DLGAP2: variants seen among roughly 807,000 people sequenced by gnomAD.
DLGAP2 encodes the protein disks large-associated protein 2.
A neutral mutation model predicts 100.3 loss-of-function variants in DLGAP2; 26 were observed. The observed-to-expected ratio is 0.26, with a 90% confidence interval of 0.19 to 0.36. DLGAP2 has a LOEUF of 0.36. Among genes scored for constraint, DLGAP2 ranks in the 10% least tolerant of loss-of-function variants. DLGAP2 has a pLI of 1.00. For missense variants in DLGAP2, 1,858 were observed against 1,453.2 expected (o/e 1.28, Z -4.53); for synonymous variants, 886 against 630.1 (o/e 1.41, Z -6.08).
intron 8 of DLGAP2, among the ~76,000 whole-genome samples, chr8:1,651,694 C>G (rs1000788483): frequency 1.3e-5 from 2 of 152,192 alleles, no homozygotes; most frequent in African/African-American, 4.8e-5. Flanking sequence ...GGCTGTGTAG[C>G]CCTCCCCATG....
chr8:860,728 C>T (rs569511101), intron 1 of DLGAP2, among the ~76,000 whole-genome samples: 6 of 152,282 alleles, frequency 3.9e-5, no homozygotes, highest in Admixed American at 1.3e-4. Flanking sequence ...AAAACATAAT[C>T]GTGTGCGTGT....
chr8:1,000,632 T>G (rs1012529526), intron 2 of DLGAP2, among the ~76,000 whole-genome samples: 1 of 152,240 alleles, frequency 6.6e-6, no homozygotes, highest in Admixed American at 6.5e-5. Context: ...TCCTAATTGC[T>G]CTGTTATTAC....
At chr8:1,625,001 G>T (rs1462781638) in intron 6 of DLGAP2, among the ~76,000 whole-genome samples, 1 of 152,074 alleles carries the variant, frequency 6.6e-6, no homozygotes, top group African/African-American at 2.4e-5. Flanking sequence ...AATCTATAAT[G>T]AATAAGCTTC....
At chr8:801,359 C>T (rs1796148054) in intron 1 of DLGAP2, among the ~76,000 whole-genome samples, 1 of 152,082 alleles carries the variant, frequency 6.6e-6, no homozygotes, top group African/African-American at 2.4e-5. Flanking sequence ...AGGGAATCTC[C>T]TTTGTAAAGA....
At chr8:1,258,625 G>C (rs1459689963) in intron 2 of DLGAP2, among the ~76,000 whole-genome samples, 1 of 152,118 alleles carries the variant, frequency 6.6e-6, no homozygotes. Context: ...ATTCTCAAAA[G>C]TAAAAATGTC....
chr8:959,548 C>T (rs1372892800), intron 2 of DLGAP2, among the ~76,000 whole-genome samples: 2 of 152,204 alleles, frequency 1.3e-5, no homozygotes, highest in South Asian at 2.1e-4. Flanking sequence ...AGCTCTGTGC[C>T]CGTCGTCACA....
At chr8:1,076,493 A>G (rs1029187546) in intron 2 of DLGAP2, among the ~76,000 whole-genome samples, 7 of 152,194 alleles carry the variant, frequency 4.6e-5, no homozygotes, top group African/African-American at 1.4e-4. Context: ...TCTGCCGCTC[A>G]TGGCCCACAC....
intron 6 of DLGAP2, among the ~76,000 whole-genome samples, chr8:1,586,407 C>G (rs1448382193): frequency 6.6e-6 from 1 of 152,218 alleles, no homozygotes; most frequent in Non-Finnish European, 1.5e-5. Context: ...TGTGGGGTCT[C>G]TCTCACTCTG....
At chr8:1,566,196 A>G (rs1408121240) in intron 6 of DLGAP2, among the ~76,000 whole-genome samples, 1 of 152,160 alleles carries the variant, frequency 6.6e-6, no homozygotes, top group Admixed American at 6.5e-5. Context: ...GGACAAGCAC[A>G]TGTCTCTGTT....
At chr8:1,600,299 T>G (rs1273377522) in intron 6 of DLGAP2, among the ~76,000 whole-genome samples, 2 of 152,192 alleles carry the variant, frequency 1.3e-5, no homozygotes, top group Non-Finnish European at 1.5e-5. Flanking sequence ...CTGGCTGCCC[T>G]TATCATTTTT....
rs1220705203 is a variant in DLGAP2 at position 1,350,294 on chromosome 8, G to A, written c.106+91411G>A. Among the ~76,000 whole-genome samples, 6 of 93,768 alleles carry A rather than the reference G, an allele frequency of 6.4e-5. 1 individual carries two copies. Among genetic ancestry groups the A allele is most frequent in the African/African-American group, 1.8e-4 (5 of 28,132 alleles). 61.5% of individuals were successfully genotyped at this position (93,768 alleles called of 152,430 possible). A position where few individuals can be genotyped will look rare whatever the true frequency, so the allele number is the denominator to read the frequency against. Reference sequence around the variant, plus strand: ...ACGGCCGTGCGGGTCCTGAGCGTGCGTGGAAAGGCCGTGCGGGTCCTGAGC... The same window carrying A: ...ACGGCCGTGCGGGTCCTGAGCGTGCATGGAAAGGCCGTGCGGGTCCTGAGC... On this transcript the variant is annotated intron_variant, in intron 3 of 14. Coordinates refer to ENST00000637795, the MANE Select transcript of DLGAP2 (RefSeq NM_001346810.2).
At chr8:1,074,507 G>A (rs969233929) in intron 2 of DLGAP2, among the ~76,000 whole-genome samples, 2 of 152,176 alleles carry the variant, frequency 1.3e-5, no homozygotes, top group Non-Finnish European at 2.9e-5. Context: ...AGTGAATGCC[G>A]GGGACAGAGA....
At chr8:1,281,454 C>G (rs1234017831) in intron 3 of DLGAP2, among the ~76,000 whole-genome samples, 1 of 152,172 alleles carries the variant, frequency 6.6e-6, no homozygotes, top group African/African-American at 2.4e-5. Context: ...TCCTGCGCCT[C>G]CCCAGCCCTT....
At chr8:870,325 A>G (rs947231300) in intron 1 of DLGAP2, among the ~76,000 whole-genome samples, 1 of 152,140 alleles carries the variant, frequency 6.6e-6, no homozygotes, top group East Asian at 1.9e-4. Context: ...CCTCTCTTCC[A>G]GTACTGGACA....
At chr8:985,749 G>C (rs1800467873) in intron 2 of DLGAP2, among the ~76,000 whole-genome samples, 1 of 152,176 alleles carries the variant, frequency 6.6e-6, no homozygotes, top group African/African-American at 2.4e-5. Flanking sequence ...TTATTTCAAG[G>C]TAACGCTTAT....
intron 2 of DLGAP2, among the ~76,000 whole-genome samples, chr8:943,126 C>T (rs905277711): frequency 7.2e-5 from 11 of 152,146 alleles, no homozygotes; most frequent in Non-Finnish European, 7.3e-5. Flanking sequence ...AGAGGGTGTG[C>T]GCACAGTGAG....
At position 1,556,544 on chromosome 8, in the gene DLGAP2, T is replaced by G. The variant is rs188387309; in HGVS notation, c.1230+6861T>G. Among the ~76,000 whole-genome samples the G allele has an allele frequency of 1.7e-4, 26 of 152,316 alleles. 1 individual carries two copies. The highest frequency in any genetic ancestry group is 1.0e-3 in the Admixed American group (16 of 15,304). ...TGAGTCTGTGTCTCCTGCCTCAGACTTGGTGGTCCACATGCAGTACTGCTC... is the reference window on the plus strand; with the variant it reads ...TGAGTCTGTGTCTCCTGCCTCAGACGTGGTGGTCCACATGCAGTACTGCTC... On this transcript the variant is annotated intron_variant, in intron 5 of 14. Transcript: ENST00000637795.
chr8:1,008,894 CT>C (rs1801198520), intron 2 of DLGAP2, among the ~76,000 whole-genome samples: 1 of 152,244 alleles, frequency 6.6e-6, no homozygotes, highest in Admixed American at 6.5e-5. Context: ...CACATGGCCC[CT>C]TCTGACACCC....
chr8:1,628,208 C>T (rs1408190372), intron 7 of DLGAP2, among the ~76,000 whole-genome samples: 2 of 95,436 alleles, frequency 2.1e-5, no homozygotes, highest in East Asian at 2.8e-4. Context: ...AATTAAGAGC[C>T]TGAGCTGACC....
Sources: allele counts gnomAD v4.1 joint callset (sites outside exome capture counted in the v4.1 genomes callset), GRCh38; gene constraint gnomAD v4.1.1; transcripts MANE v1.5; gene names NCBI Gene and HGNC (gene_info 2026-07-23, HGNC 2026-07-21).